Variants in OLFM2 observed in about 807,000 individuals in gnomAD.
OLFM2 encodes the protein olfactomedin 2.
Under a neutral mutation model 43.9 loss-of-function variants are expected in OLFM2, and 20 were observed. The observed-to-expected ratio is 0.46, with a 90% CI of 0.32 to 0.66. The LOEUF (loss-of-function observed/expected upper bound fraction) is 0.66. OLFM2 is among the 30% of genes least tolerant of loss of function. The probability of loss-of-function intolerance (pLI) is 0.04; values close to 1 mark genes in which losing one functional copy is unlikely to be tolerated. For synonymous variants in OLFM2, 268 were observed against 278.6 expected, an observed-to-expected ratio of 0.96 and a Z score of 0.38; for missense variants, 416 against 643.6, an observed-to-expected ratio of 0.65 and a Z score of 3.83.
At chr19:9,860,054 A>C (rs2046355121) in intron 2 of OLFM2, among the ~76,000 whole-genome samples, 1 of 152,038 alleles carries the variant, frequency 6.6e-6, no homozygotes, top group African/African-American at 2.4e-5. Context: ...AGGCAGGAGA[A>C]TTGCTTGAAC....
chr19:9,860,532 G>C, intron 2 of OLFM2, 113 bp downstream of exon 2: 1 of 1,165,148 alleles, frequency 8.6e-7, no homozygotes, highest in Non-Finnish European at 1.2e-6. Flanking sequence ...AGCCAGCTCT[G>C]AATAATTTGC....
intron 1 of OLFM2, among the ~76,000 whole-genome samples, chr19:9,872,097 A>C (rs1424273715): frequency 1.3e-5 from 2 of 152,144 alleles, no homozygotes. Flanking sequence ...CCTGTCTGCT[A>C]TGTCTGAGCC....
chr19:9,856,723 G>A lies in OLFM2; in HGVS notation c.687+84C>T, dbSNP rs2046320622. 5 of 1,098,648 alleles carry A rather than the reference G, an allele frequency of 4.6e-6. No individual in the cohort carries two copies. Among genetic ancestry groups the A allele is most frequent in the Non-Finnish European group, 5.4e-6 (4 of 739,582 alleles). The allele number at this position is 1,098,648 out of a possible 1,614,324, so 68.1% of individuals were successfully genotyped here. On this transcript the variant is annotated intron_variant, in intron 5 of 5. Transcript: ENST00000264833. This position sits in a 1 kb window ranked among gnomAD's most constrained non-coding sequence, Gnocchi z 4.0. ...ACTTTGGGCTACAAGACAGTCACCA[G>A]TGTGGACTCCCTAGGCACCTATGGG... is the stretch of plus-strand genomic sequence containing the variant.
intron 1 of OLFM2, among the ~76,000 whole-genome samples, chr19:9,872,923 T>C (rs1469848460): frequency 6.6e-6 from 1 of 152,206 alleles, no homozygotes; most frequent in African/African-American, 2.4e-5. Flanking sequence ...ACTCCCATTC[T>C]GAATTTCATA....
At chr19:9,931,650 G>C (rs2145012935) in intron 1 of OLFM2, among the ~76,000 whole-genome samples, 1 of 133,382 alleles carries the variant, frequency 7.5e-6, no homozygotes, top group Middle Eastern at 3.6e-3. Context: ...GCAGTGAGCT[G>C]AGATCATCAC....
intron 2 of OLFM2, among the ~76,000 whole-genome samples, chr19:9,858,645 C>T (rs2046342815): frequency 6.6e-6 from 1 of 152,188 alleles, no homozygotes; most frequent in African/African-American, 2.4e-5. Flanking sequence ...CTTCCCTTGC[C>T]CTGGCCTCTC....
At chr19:9,901,794 C>T (rs1168778038) in intron 1 of OLFM2, among the ~76,000 whole-genome samples, 1 of 152,184 alleles carries the variant, frequency 6.6e-6, no homozygotes, top group Non-Finnish European at 1.5e-5. Context: ...ACGTTTAGGG[C>T]ACATGTGGAG....
chr19:9,906,466 G>A (rs1277360574), intron 1 of OLFM2, among the ~76,000 whole-genome samples: 1 of 152,100 alleles, frequency 6.6e-6, no homozygotes, highest in African/African-American at 2.4e-5. Context: ...GACAAGACAA[G>A]AAAGAGCGCG....
intron 1 of OLFM2, among the ~76,000 whole-genome samples, chr19:9,897,364 GTGTGAGCC>G (rs1230612289): frequency 4.0e-5 from 6 of 151,738 alleles, no homozygotes; most frequent in African/African-American, 7.3e-5. Flanking sequence ...AGGCATGGTG[GTGTGAGCC>G]TGTAGTCCCA....
chr19:9,872,430 G>A (rs578242690), intron 1 of OLFM2, among the ~76,000 whole-genome samples: 17 of 151,994 alleles, frequency 1.1e-4, no homozygotes, highest in Non-Finnish European at 2.1e-4. Flanking sequence ...TGGGAGGATC[G>A]CCTGAGCCTG....
chr19:9,907,544 T>C (rs2046795234), intron 1 of OLFM2, among the ~76,000 whole-genome samples: 1 of 152,142 alleles, frequency 6.6e-6, no homozygotes, highest in Admixed American at 6.6e-5. Flanking sequence ...AAATCCTTCC[T>C]AACATCCAAC....
intron 1 of OLFM2, among the ~76,000 whole-genome samples, chr19:9,875,971 T>A (rs143141961): frequency 8.5e-5 from 13 of 152,232 alleles, no homozygotes; most frequent in African/African-American, 2.9e-4. Context: ...CTGCTTTTTA[T>A]TTCTCAGCCC....
chr19:9,870,334 G>A (rs2046432469), intron 1 of OLFM2, among the ~76,000 whole-genome samples: 1 of 152,200 alleles, frequency 6.6e-6, no homozygotes, highest in African/African-American at 2.4e-5. Flanking sequence ...AAGTCTCATG[G>A]AGTTGGGGTT....
In OLFM2 at chr19:9,936,511, GC is replaced by G. The variant is rs2086516248; in HGVS notation, c.-146del. 2.6e-6 allele frequency: 1 copy of G among 384,082 alleles called. No homozygotes were observed. The highest frequency in any genetic ancestry group is 3.5e-6 in the Non-Finnish European group (1 of 283,228). 23.8% of individuals were successfully genotyped at this position (384,082 alleles called of 1,614,324 possible). ...CCGCCTCGCCGGCGGCCGGGATTCC[GC>G]CCCACCCCCGCCCCCTCGCTCGCTC... On this transcript the variant is annotated 5_prime_UTR_variant, in exon 1 of 6. Transcript: ENST00000264833.
intron 1 of OLFM2, among the ~76,000 whole-genome samples, chr19:9,877,572 A>G (rs910660296): frequency 7.0e-6 from 1 of 142,584 alleles, no homozygotes; most frequent in African/African-American, 2.6e-5. Context: ...ATAAATAAAT[A>G]AATACAATAA....
intron 1 of OLFM2, among the ~76,000 whole-genome samples, chr19:9,877,673 G>C (rs2046503195): frequency 1.3e-5 from 2 of 152,182 alleles, no homozygotes; most frequent in South Asian, 4.1e-4. Flanking sequence ...AAGTGGGTTA[G>C]TTATCATGGC....
chr19:9,924,103 C>CAAAA (rs1047796253), intron 1 of OLFM2, among the ~76,000 whole-genome samples: 28 of 20,632 alleles, frequency 1.4e-3, no homozygotes, highest in Non-Finnish European at 2.2e-3. Flanking sequence ...CTCGTCTCTA[C>CAAAA]AAAAAAAAAA....
At chr19:9,913,326 C>T (rs1032516452) in intron 1 of OLFM2, among the ~76,000 whole-genome samples, 2 of 152,156 alleles carry the variant, frequency 1.3e-5, no homozygotes, top group African/African-American at 4.8e-5. Context: ...CCTGGAACCC[C>T]GAGAGGGCGT....
chr19:9,919,055 CA>C (rs1349979635), intron 1 of OLFM2, among the ~76,000 whole-genome samples: 1 of 152,164 alleles, frequency 6.6e-6, no homozygotes. Flanking sequence ...AGGGAAGATC[CA>C]CCAGGCACGG....
Sources: gnomAD v4.1 joint callset for allele counts (sites outside exome capture counted in the v4.1 genomes callset) on GRCh38, gnomAD v4.1.1 for gene constraint, Gnocchi (gnomAD v3.1) non-coding constraint, MANE v1.5 for transcripts, NCBI Gene and HGNC (gene_info 2026-07-23, HGNC 2026-07-21) for gene names.